Variants in PLCL2 observed in about 807,000 individuals in gnomAD.
The protein encoded by PLCL2 is inactive phospholipase C-like protein 2.
Under a neutral mutation model 79.6 loss-of-function variants are expected in PLCL2, and 4 were observed. That is an observed-to-expected ratio of 0.05 (90% confidence interval 0.02 to 0.11). PLCL2 has a LOEUF of 0.11. Ranked by LOEUF, PLCL2 falls within the 10% of genes least tolerant of loss-of-function variation. The pLI is 1.00. For synonymous variants in PLCL2, 484 were observed against 457.7 expected (o/e 1.06, Z -0.73); for missense variants, 895 against 1,291.0 (o/e 0.69, Z 4.70).
intron 1 of PLCL2, among the ~76,000 whole-genome samples, chr3:16,938,199 T>C (rs995582275): frequency 1.3e-5 from 2 of 152,220 alleles, no homozygotes; most frequent in African/African-American, 4.8e-5. Flanking sequence ...TTTAAAATTT[T>C]TGATGATTTT....
chr3:16,885,739 T>A (rs1341905399), intron 1 of PLCL2, among the ~76,000 whole-genome samples: 1 of 152,216 alleles, frequency 6.6e-6, no homozygotes, highest in African/African-American at 2.4e-5. Context: ...AGGGATTATG[T>A]GAAATGTGAG....
At position 17,089,910 on chromosome 3, in the gene PLCL2, T is replaced by G. The variant is rs60111091; in HGVS notation, c.3382T>G (p.Ter1128GlyextTer5). The G allele has an allele frequency of 1.4e-3, 2,268 of 1,611,642 alleles. 31 individuals carry two copies. The African/African-American group carries it at 0.026, about 18-fold the overall frequency. Reference sequence around the variant, plus strand: ...AAAAGCAAACGATGAAACTGGAGAATGAGGAAACTTACAATAAACCATTAT... The same window carrying G: ...AAAAGCAAACGATGAAACTGGAGAAGGAGGAAACTTACAATAAACCATTAT... ...PEKANDETGE[*>G] is the part of the protein sequence containing the mutation. Residue 1128 changes from the stop codon to glycine, a stop_lost, in exon 6 of 6, where the codon TGA becomes GGA. Coordinates refer to ENST00000615277, the MANE Select transcript of PLCL2 (RefSeq NM_001144382.2).
chr3:16,901,819 G>A (rs1355308969), intron 1 of PLCL2, among the ~76,000 whole-genome samples: 1 of 152,180 alleles, frequency 6.6e-6, no homozygotes, highest in Non-Finnish European at 1.5e-5. Flanking sequence ...GTTTTCAGCT[G>A]TATCTAAAGA....
chr3:16,992,292 G>A (rs1407377367), intron 1 of PLCL2, among the ~76,000 whole-genome samples: 1 of 152,166 alleles, frequency 6.6e-6, no homozygotes, highest in African/African-American at 2.4e-5. Flanking sequence ...CCAGCCATCA[G>A]TGCCTTCACC....
chr3:17,084,825 T>C (rs2065200478), intron 5 of PLCL2, among the ~76,000 whole-genome samples: 1 of 152,186 alleles, frequency 6.6e-6, no homozygotes, highest in Non-Finnish European at 1.5e-5. Context: ...ACATCATATT[T>C]AAAGGTGAGA....
chr3:16,996,674 A>T (rs1438904327), intron 1 of PLCL2, among the ~76,000 whole-genome samples: 2 of 152,078 alleles, frequency 1.3e-5, no homozygotes, highest in Non-Finnish European at 2.9e-5. Context: ...CCAATTTATA[A>T]GTCAGAACAC....
At chr3:16,899,436 C>G (rs1188448943) in intron 1 of PLCL2, among the ~76,000 whole-genome samples, 1 of 152,170 alleles carries the variant, frequency 6.6e-6, no homozygotes, top group African/African-American at 2.4e-5. Flanking sequence ...CCCTGAATTT[C>G]TGTGCAGAAG....
chr3:17,081,110 C>T, intron 5 of PLCL2: 1 of 453,212 alleles, frequency 2.2e-6, no homozygotes, highest in South Asian at 1.6e-5. Context: ...ACTTCCCTTG[C>T]ATCCCCTCTT....
chr3:16,980,940 C>T (rs2063987318), intron 1 of PLCL2, among the ~76,000 whole-genome samples: 1 of 152,254 alleles, frequency 6.6e-6, no homozygotes, highest in Admixed American at 6.5e-5. Context: ...TGGAGACCAG[C>T]CCGGCCAACA....
Position 17,034,317 on chromosome 3 carries a change from T to C in PLCL2, c.3019-8557T>C, listed in dbSNP as rs544478752. 3.9e-5 allele frequency among the ~76,000 whole-genome samples: 6 copies of C among 152,308 alleles called. No homozygotes were observed. In the East Asian group the frequency reaches 9.6e-4, roughly 24 times the overall value. The stretch of plus-strand genomic sequence containing the variant: ...GGTTCCCCCTTTTACCCTGACCTGC[T>C]GGGATAGGCTCTGGCCACCTTTGAT... On this transcript the variant is annotated intron_variant, in intron 3 of 5. Transcript: ENST00000615277.
intron 5 of PLCL2, among the ~76,000 whole-genome samples, chr3:17,076,647 C>T (rs958369954): frequency 6.6e-6 from 1 of 152,036 alleles, no homozygotes; most frequent in Non-Finnish European, 1.5e-5. Flanking sequence ...GGACCACAGG[C>T]ACGTGCTACC....
chr3:16,947,556 G>A (rs1002518892), intron 1 of PLCL2, among the ~76,000 whole-genome samples: 1 of 152,080 alleles, frequency 6.6e-6, no homozygotes, highest in Non-Finnish European at 1.5e-5. Flanking sequence ...ACATCCATGG[G>A]GTGGAAGTGT....
chr3:16,971,938 A>T (rs1401852386), intron 1 of PLCL2, among the ~76,000 whole-genome samples: 12 of 152,198 alleles, frequency 7.9e-5, no homozygotes, highest in Non-Finnish European at 1.8e-4. Context: ...CCACATGATT[A>T]TCTCAATAGA....
In PLCL2 at chr3:17,066,319, G is replaced by A. The variant is rs76613058; in HGVS notation, c.3095-1637G>A. Among the ~76,000 whole-genome samples the A allele has an allele frequency of 3.8e-3, 577 of 152,286 alleles. 6 individuals carry two copies. Among genetic ancestry groups the A allele is most frequent in the African/African-American group, 0.013 (546 of 41,558 alleles). ...GTTCCCATACCTTATTAGCATAACA[G>A]GAAGTAGGACCATGGCTCCTGGTTA... On this transcript the variant is annotated intron_variant, in intron 4 of 5. Coordinates refer to ENST00000615277, the MANE Select transcript of PLCL2 (RefSeq NM_001144382.2).
intron 4 of PLCL2, among the ~76,000 whole-genome samples, chr3:17,066,374 G>A (rs887836157): frequency 6.6e-6 from 1 of 152,134 alleles, no homozygotes; most frequent in Non-Finnish European, 1.5e-5. Flanking sequence ...GAAGTAAAAA[G>A]CCTAAATTGG....
chr3:16,936,585 A>G (rs912671325), intron 1 of PLCL2, among the ~76,000 whole-genome samples: 14 of 152,266 alleles, frequency 9.2e-5, no homozygotes, highest in African/African-American at 3.4e-4. Context: ...ATCTTTCTAC[A>G]TGAATTTTTG....
intron 3 of PLCL2, 104 bp from the exon 4 acceptor site, chr3:17,042,770 A>G (rs758484372): frequency 3.9e-6 from 3 of 768,802 alleles, no homozygotes; most frequent in Non-Finnish European, 6.8e-6. Flanking sequence ...AAAAGCGTTT[A>G]ATATCATCAC....
chr3:16,910,163 A>G (rs1197297565), intron 1 of PLCL2, among the ~76,000 whole-genome samples: 1 of 152,196 alleles, frequency 6.6e-6, no homozygotes, highest in Non-Finnish European at 1.5e-5. Flanking sequence ...TCTTGTTGCA[A>G]CTTCTCCTGC....
At chr3:17,056,188 A>G (rs1193205445) in intron 4 of PLCL2, among the ~76,000 whole-genome samples, 3 of 152,222 alleles carry the variant, frequency 2.0e-5, no homozygotes, top group African/African-American at 7.2e-5. Flanking sequence ...TGGCACTTGC[A>G]TAAATAAACC....
Sources: gnomAD v4.1 joint callset for allele counts (sites outside exome capture counted in the v4.1 genomes callset) on GRCh38, gnomAD v4.1.1 for gene constraint, MANE v1.5 for transcripts, NCBI Gene and HGNC (gene_info 2026-07-23, HGNC 2026-07-21) for gene names.